Variants in CWC22 observed in about 807,000 individuals in gnomAD.
CWC22 encodes the protein CWC22 spliceosome associated protein, also known as pre-mRNA-splicing factor CWC22 homolog.
In CWC22, 53 loss-of-function variants were observed where a neutral mutation model predicts 117.2. The observed-to-expected ratio is 0.45, with a 90% CI of 0.36 to 0.57. CWC22 has a LOEUF of 0.57. Ranked by LOEUF, CWC22 falls within the 20% of genes least tolerant of loss-of-function variation. The pLI, the probability that CWC22 is intolerant of heterozygous loss-of-function variation, is 0.00. For missense variants in CWC22, 980 were observed against 1,068.8 expected, an observed-to-expected ratio of 0.92 and a Z score of 1.16; for synonymous variants, 360 against 355.6, an observed-to-expected ratio of 1.01 and a Z score of -0.14.
rs1236599456 is a variant in CWC22 at position 179,945,430 on chromosome 2, T to A, written c.2426A>T (p.His809Leu). The A allele has an allele frequency of 1.9e-6, 3 of 1,612,874 alleles. No individual in the cohort carries two copies. Among genetic ancestry groups the A allele is most frequent in the Non-Finnish European group, 8.5e-7 (1 of 1,179,300 alleles). ...ACCATGCTTATTTTCCAAATCTATATGCATTTCTTGGTCTCTGTCATTCGC... is the reference window on the plus strand; with the variant it reads ...ACCATGCTTATTTTCCAAATCTATAAGCATTTCTTGGTCTCTGTCATTCGC... Reference protein sequence around the residue: ...RVANDRDQEMHIDLENKHGDP... With the variant: ...RVANDRDQEMLIDLENKHGDP... Residue 809 changes from histidine (H) to leucine (L), a missense_variant, in exon 20 of 20, where the codon CAT becomes CTT. His to Leu is a moderately conservative substitution (Grantham distance 99). Around this residue, in one of 3 missense-constraint regions of CWC22, gnomAD observed 306 missense variants for 296.8 expected, o/e 1.03. Coordinates refer to ENST00000410053, the MANE Select transcript of CWC22 (RefSeq NM_020943.3).
chr2:179,999,879 A>G (rs1485079284), intron 1 of CWC22, among the ~76,000 whole-genome samples: 2 of 152,200 alleles, frequency 1.3e-5, no homozygotes, highest in African/African-American at 4.8e-5. Context: ...TATACAATAC[A>G]AAATAAAAAC....
chr2:179,951,357 T>C (rs1490087639), intron 17 of CWC22, among the ~76,000 whole-genome samples: 1 of 151,180 alleles, frequency 6.6e-6, no homozygotes, highest in Non-Finnish European at 1.5e-5. Context: ...GGGGGAGAGG[T>C]GGAAGTCATC....
chr2:179,945,886 T>C (rs1233539629), intron 19 of CWC22, among the ~76,000 whole-genome samples, 171 bp from the exon 20 acceptor site: 2 of 152,118 alleles, frequency 1.3e-5, no homozygotes, highest in Non-Finnish European at 2.9e-5. Context: ...AAATGCTTAA[T>C]TTTATTTTAT....
At chr2:179,984,848 T>C (rs548730806) in intron 4 of CWC22, among the ~76,000 whole-genome samples, 3 of 152,076 alleles carry the variant, frequency 2.0e-5, no homozygotes, top group Admixed American at 1.3e-4. Flanking sequence ...ATCAACCACG[T>C]TGTTCAACAA....
At chr2:179,991,332 C>T (rs1468443429) in intron 2 of CWC22, among the ~76,000 whole-genome samples, 1 of 152,238 alleles carries the variant, frequency 6.6e-6, no homozygotes, top group East Asian at 1.9e-4. Context: ...GCCTTATGAA[C>T]CTAATAGGTG....
At chr2:180,001,883 G>C (rs1350459795) in intron 1 of CWC22, among the ~76,000 whole-genome samples, 1 of 152,152 alleles carries the variant, frequency 6.6e-6, no homozygotes, top group Non-Finnish European at 1.5e-5. Context: ...TGAGAGTTTA[G>C]TATTTGCTCA....
chr2:179,989,430 T>C (rs1479736622), intron 2 of CWC22, among the ~76,000 whole-genome samples: 2 of 151,994 alleles, frequency 1.3e-5, no homozygotes, highest in Non-Finnish European at 2.9e-5. Context: ...ACCACAACTT[T>C]AGTACAGGGT....
chr2:179,981,649 T>C (rs559241962), intron 5 of CWC22, 103 bp downstream of exon 5: 3 of 932,224 alleles, frequency 3.2e-6, no homozygotes, highest in South Asian at 3.2e-5. Context: ...TCTATCACTA[T>C]AGACTAACGT....
At chr2:179,985,568 C>A (rs1362461286) in intron 4 of CWC22, among the ~76,000 whole-genome samples, 3 of 152,056 alleles carry the variant, frequency 2.0e-5, no homozygotes, top group African/African-American at 7.2e-5. Flanking sequence ...ATCTTTCTAA[C>A]ACAGTAGTCA....
At chr2:179,992,548 C>T (rs34394945) in intron 2 of CWC22, among the ~76,000 whole-genome samples, 21,737 of 152,170 alleles carry the variant, frequency 0.14, 1,946 homozygotes, top group Admixed American at 0.29. Context: ...CTACCCTTTT[C>T]TACTTCTTTT....
chr2:179,981,703 T>G (rs1013510331), intron 5 of CWC22, 49 bp downstream of exon 5: 3 of 1,526,286 alleles, frequency 2.0e-6, no homozygotes, highest in Non-Finnish European at 1.8e-6. Context: ...GTTGACTTAT[T>G]TTTCAATGAC....
rs533834829 is a variant in CWC22 at position 179,970,360 on chromosome 2, G to A, written c.1210+141C>T. ...AAGCACCAGGAAAAAAATAATGCCC[G>A]AGGAAACAGCTAAGAGAATAACTTT... On this transcript the variant is annotated intron_variant, in intron 11 of 19. Coordinates refer to ENST00000410053, the MANE Select transcript of CWC22 (RefSeq NM_020943.3). The A allele has an allele frequency of 3.4e-4, 315 of 922,684 alleles. 3 individuals carry two copies. In the South Asian group the frequency reaches 6.1e-3, roughly 18 times the overall value. 57.2% of individuals were successfully genotyped at this position (922,684 alleles called of 1,614,324 possible).
intron 1 of CWC22, among the ~76,000 whole-genome samples, chr2:179,996,712 T>G (rs934478562): frequency 6.6e-6 from 1 of 152,028 alleles, no homozygotes; most frequent in African/African-American, 2.4e-5. Context: ...CACTGAACTG[T>G]ACACTTAAAC....
At chr2:179,953,977 C>T (rs941354654) in intron 16 of CWC22, among the ~76,000 whole-genome samples, 7 of 152,122 alleles carry the variant, frequency 4.6e-5, no homozygotes, top group African/African-American at 1.7e-4. Flanking sequence ...ACTATCGAAA[C>T]ACTGGCATGT....
intron 11 of CWC22, among the ~76,000 whole-genome samples, chr2:179,969,103 T>G (rs11684391): frequency 0.52 from 78,383 of 152,020 alleles, 22,611 homozygotes; most frequent in Non-Finnish European, 0.67. Context: ...AAGAAAGTAC[T>G]ACTTTCCAGG....
chr2:179,976,348 T>C (rs1403845907), intron 6 of CWC22, among the ~76,000 whole-genome samples: 1 of 152,124 alleles, frequency 6.6e-6, no homozygotes. Context: ...GAGACACTGG[T>C]ATGGTTAATG....
At position 180,006,873 on chromosome 2, in the gene CWC22, G is replaced by T; in HGVS notation, c.-120C>A. 1 of 152,652 alleles carries T rather than the reference G, an allele frequency of 6.6e-6. No homozygotes were observed. The highest frequency in any genetic ancestry group is 1.5e-5 in the Non-Finnish European group (1 of 68,298). The allele number at this position is 152,652 out of a possible 1,614,324, so 9.5% of individuals were successfully genotyped here. Reference sequence around the variant, plus strand: ...CAGCCCATTCCCTCCCCACCTGCTTGGACCTAGCCGCTCTCACACCCCTCT... The same window carrying T: ...CAGCCCATTCCCTCCCCACCTGCTTTGACCTAGCCGCTCTCACACCCCTCT... On this transcript the variant is annotated 5_prime_UTR_variant, in exon 1 of 20. Transcript: ENST00000410053.
intron 12 of CWC22, 95 bp from the exon 13 acceptor site, chr2:179,964,723 A>G (rs939128776): frequency 3.4e-6 from 2 of 589,772 alleles, no homozygotes; most frequent in Non-Finnish European, 5.9e-6. Flanking sequence ...AAATCTATTT[A>G]GAATCAATAC....
At chr2:179,976,827 T>C (rs35036146) in intron 6 of CWC22, among the ~76,000 whole-genome samples, 1 of 152,182 alleles carries the variant, frequency 6.6e-6, no homozygotes, top group East Asian at 1.9e-4. Flanking sequence ...ACAGCCATTA[T>C]GAAAATAGTA....
Sources: gnomAD v4.1 joint callset for allele counts (sites outside exome capture counted in the v4.1 genomes callset) on GRCh38, gnomAD v4.1.1 for gene constraint, gnomAD v4.1.1 regional missense constraint, MANE v1.5 for transcripts, NCBI Gene and HGNC (gene_info 2026-07-23, HGNC 2026-07-21) for gene names.